Variants in GFRA3 observed in about 807,000 individuals in gnomAD.
The protein encoded by GFRA3 is GDNF family receptor alpha 3, also known as GDNF family receptor alpha-3.
Under a neutral mutation model 40.0 loss-of-function variants are expected in GFRA3, and 24 were observed. That is an observed-to-expected ratio of 0.60 (90% CI 0.43 to 0.84). GFRA3 has a LOEUF of 0.84. Ranked by LOEUF, GFRA3 falls within the 40% of genes least tolerant of loss-of-function variation. GFRA3 has a pLI of 0.00. For missense variants in GFRA3, 405 were observed against 530.6 expected, an observed-to-expected ratio of 0.76 and a Z score of 2.33; for synonymous variants, 203 against 213.5, an observed-to-expected ratio of 0.95 and a Z score of 0.43.
intron 1 of GFRA3, among the ~76,000 whole-genome samples, chr5:138,265,520 A>G (rs751186912): frequency 2.6e-5 from 4 of 151,082 alleles, no homozygotes; most frequent in South Asian, 4.2e-4. Context: ...GCCTTAATTC[A>G]TCTCTTTCTT....
chr5:138,253,176 T>A, intron 7 of GFRA3, 111 bp downstream of exon 7: 1 of 860,244 alleles, frequency 1.2e-6, no homozygotes, highest in Admixed American at 2.0e-5. Flanking sequence ...TCTCTAGTAT[T>A]CAGGGCAATG....
intron 1 of GFRA3, among the ~76,000 whole-genome samples, chr5:138,270,516 A>C (rs1361433591): frequency 6.6e-6 from 1 of 151,922 alleles, no homozygotes; most frequent in African/African-American, 2.4e-5. Flanking sequence ...AGCTATGAGG[A>C]TACAAAGGCA....
intron 4 of GFRA3, 52 bp from the exon 5 acceptor site, chr5:138,254,212 G>C: frequency 1.0e-6 from 1 of 1,004,052 alleles, no homozygotes; most frequent in Non-Finnish European, 1.6e-6. Flanking sequence ...TTGAGATGAT[G>C]TCTCACTCTC....
At chr5:138,268,953 A>C (rs1231395458) in intron 1 of GFRA3, among the ~76,000 whole-genome samples, 1 of 151,934 alleles carries the variant, frequency 6.6e-6, no homozygotes, top group Non-Finnish European at 1.5e-5. Flanking sequence ...AAAGAAAAAA[A>C]CAAACAATCC....
intron 3 of GFRA3, among the ~76,000 whole-genome samples, chr5:138,258,779 C>T (rs1053255332): frequency 6.6e-6 from 1 of 152,190 alleles, no homozygotes; most frequent in Non-Finnish European, 1.5e-5. Context: ...ACCTGCCCAT[C>T]TTTCATTAAT....
chr5:138,266,355 T>G (rs899318590), intron 1 of GFRA3, among the ~76,000 whole-genome samples: 1 of 152,204 alleles, frequency 6.6e-6, no homozygotes, highest in African/African-American at 2.4e-5. Flanking sequence ...TTAAAAAAAA[T>G]TATAACCATC....
chr5:138,268,097 CA>C (rs1348846882), intron 1 of GFRA3, among the ~76,000 whole-genome samples: 1 of 151,912 alleles, frequency 6.6e-6, no homozygotes, highest in Admixed American at 6.6e-5. Context: ...CTAGCCTGAT[CA>C]GCATGGTGAA....
At chr5:138,262,847 G>A (rs556707750) in intron 2 of GFRA3, among the ~76,000 whole-genome samples, 3 of 152,170 alleles carry the variant, frequency 2.0e-5, no homozygotes, top group African/African-American at 7.2e-5. Flanking sequence ...CAGATGACTT[G>A]TCTTTTTAGT....
chr5:138,256,056 C>T (rs568629641), intron 4 of GFRA3, among the ~76,000 whole-genome samples: 16 of 151,230 alleles, frequency 1.1e-4, no homozygotes, highest in South Asian at 2.1e-4. Context: ...AGCGAAATCC[C>T]ATCTCTACTG....
chr5:138,258,055 G>C, intron 3 of GFRA3, 104 bp from the exon 4 acceptor site: 1 of 869,262 alleles, frequency 1.2e-6, no homozygotes, highest in Non-Finnish European at 1.9e-6. Context: ...GAAGGTAGTG[G>C]ATATAGGAGG....
At chr5:138,258,765 TG>T in intron 3 of GFRA3, among the ~76,000 whole-genome samples, 1 of 152,332 alleles carries the variant, frequency 6.6e-6, no homozygotes. Context: ...TCCATTTTAA[TG>T]TCACCTGCCC....
In GFRA3 at chr5:138,261,693, CAAAAAAAA is replaced by C. The variant is rs70979598; in HGVS notation, c.380-2052_380-2045del. On this transcript the variant is annotated intron_variant, in intron 2 of 7. Transcript: ENST00000274721. Reference sequence around the variant, plus strand: ...AGGGCAACAGAGGAAGACTCTGTCTCAAAAAAAAAAAAAAAAAAAAAAAAGAAGAAGAA... The same window carrying C: ...AGGGCAACAGAGGAAGACTCTGTCTCAAAAAAAAAAAAAAAAGAAGAAGAA... 6.9e-3 allele frequency among the ~76,000 whole-genome samples: 322 copies of C among 46,358 alleles called. 1 individual carries two copies. The highest frequency in any genetic ancestry group is 0.027 in the African/African-American group (297 of 11,130). 30.4% of individuals were successfully genotyped at this position (46,358 alleles called of 152,430 possible).
At chr5:138,271,844 CT>C (rs1393290801) in intron 1 of GFRA3, among the ~76,000 whole-genome samples, 1 of 141,642 alleles carries the variant, frequency 7.1e-6, no homozygotes, top group Admixed American at 7.1e-5. Context: ...TCCCAAAATG[CT>C]GGGATTATAG....
At chr5:138,268,718 A>G (rs866049747) in intron 1 of GFRA3, among the ~76,000 whole-genome samples, 1 of 152,086 alleles carries the variant, frequency 6.6e-6, no homozygotes, top group African/African-American at 2.4e-5. Context: ...ATGAAACCCC[A>G]TCTCTATTAA....
chr5:138,259,147 G>T (rs544707841), intron 3 of GFRA3, among the ~76,000 whole-genome samples: 1 of 152,044 alleles, frequency 6.6e-6, no homozygotes, highest in South Asian at 2.1e-4. Flanking sequence ...CCAATACCTC[G>T]CCCATCCCAT....
chr5:138,258,154 C>G (rs1427697206), intron 3 of GFRA3, among the ~76,000 whole-genome samples: 2 of 149,184 alleles, frequency 1.3e-5, no homozygotes, highest in Non-Finnish European at 3.0e-5. Context: ...AAGCCTTCCC[C>G]ACCCTACTCC....
At chr5:138,261,853 C>T (rs1304760394) in intron 2 of GFRA3, among the ~76,000 whole-genome samples, 15 of 152,098 alleles carry the variant, frequency 9.9e-5, no homozygotes, top group Admixed American at 9.8e-4. Context: ...GTGGCTATCA[C>T]ACTGTTTGTG....
intron 5 of GFRA3, 43 bp from the exon 6 acceptor site, chr5:138,253,943 A>C: frequency 6.2e-7 from 1 of 1,602,972 alleles, no homozygotes; most frequent in South Asian, 1.1e-5. Flanking sequence ...GCTAACCCTA[A>C]CTTTAGCTCC....
At chr5:138,253,240 C>G in intron 7 of GFRA3, 47 bp downstream of exon 7, 2 of 1,314,310 alleles carry the variant, frequency 1.5e-6, no homozygotes, top group South Asian at 2.5e-5. Flanking sequence ...GGGTTTTCCC[C>G]AGCCGGCCCA....
Sources: gnomAD v4.1 joint callset for allele counts (sites outside exome capture counted in the v4.1 genomes callset) on GRCh38, gnomAD v4.1.1 for gene constraint, MANE v1.5 for transcripts, NCBI Gene and HGNC (gene_info 2026-07-23, HGNC 2026-07-21) for gene names.